Variants in SIRT3 observed in about 807,000 individuals in gnomAD.
The protein encoded by SIRT3 is sirtuin 3.
In SIRT3, 26 loss-of-function variants were observed where a neutral mutation model predicts 33.5. That is an observed-to-expected ratio of 0.78 (90% CI 0.57 to 1.08). SIRT3 has a LOEUF of 1.08. Among genes scored for constraint, SIRT3 ranks in the 50% least tolerant of loss-of-function variants. The pLI, the probability that SIRT3 is intolerant of heterozygous loss-of-function variation, is 0.00. For synonymous variants in SIRT3, 237 were observed against 222.1 expected, an observed-to-expected ratio of 1.07 and a Z score of -0.60; for missense variants, 585 against 530.1, an observed-to-expected ratio of 1.10 and a Z score of -1.02.
intron 1 of SIRT3, among the ~76,000 whole-genome samples, chr11:235,126 T>C (rs1022862888): frequency 2.0e-5 from 3 of 151,956 alleles, no homozygotes; most frequent in African/African-American, 7.3e-5. Flanking sequence ...TCCACCCGTC[T>C]CATCCTCCCA....
upstream of SIRT3, chr11:236,439 C>G: frequency 1.5e-6 from 1 of 656,720 alleles, no homozygotes; most frequent in Non-Finnish European, 1.9e-6. Flanking sequence ...CCGCCTACCG[C>G]CCCCGCCCCC....
chr11:235,480 C>A (rs1360528118), intron 1 of SIRT3, among the ~76,000 whole-genome samples: 3 of 152,244 alleles, frequency 2.0e-5, no homozygotes, highest in Non-Finnish European at 4.4e-5. Context: ...GCTGGTATTA[C>A]AAGTGTGAGC....
intron 3 of SIRT3, among the ~76,000 whole-genome samples, chr11:231,350 C>G (rs1451597733): frequency 6.6e-6 from 1 of 152,118 alleles, no homozygotes; most frequent in African/African-American, 2.4e-5. Flanking sequence ...GCAAAAGGAT[C>G]ACTTCGGCCC....
At chr11:236,833 G>C, upstream of SIRT3, 2 of 586,406 alleles carry the variant, frequency 3.4e-6, no homozygotes, top group Non-Finnish European at 6.1e-6. Context: ...GCACAGCCAA[G>C]TGCGCGGGAA....
intron 6 of SIRT3, among the ~76,000 whole-genome samples, chr11:217,693 G>C (rs1475709276): frequency 6.6e-6 from 1 of 152,232 alleles, no homozygotes; most frequent in Non-Finnish European, 1.5e-5. Flanking sequence ...CTGACCCCAT[G>C]GCCCTGAGCC....
chr11:236,896 C>G (rs1462746876), upstream of SIRT3: 9 of 671,668 alleles, frequency 1.3e-5, no homozygotes, highest in African/African-American at 1.5e-4. Context: ...CGCGCTGTAA[C>G]CGAGCAACCA....
At position 216,649 on chromosome 11, in the gene SIRT3, T is replaced by A. The variant is rs1225447283; in HGVS notation, c.*49A>T. On this transcript the variant is annotated 3_prime_UTR_variant, in exon 7 of 7. Coordinates refer to ENST00000382743, the MANE Select transcript of SIRT3 (RefSeq NM_012239.6). ...GCATGAGGTCTTGTCAGAATTGGGATGTGGATGTCTCCTATGTTACCATTT... is the reference window on the plus strand; with the variant it reads ...GCATGAGGTCTTGTCAGAATTGGGAAGTGGATGTCTCCTATGTTACCATTT... The A allele has an allele frequency of 1.2e-6, 2 of 1,608,690 alleles. No individual in the cohort carries two copies. Among genetic ancestry groups the A allele is most frequent in the South Asian group, 2.2e-5 (2 of 90,800 alleles).
chr11:234,640 C>T (rs976160311), intron 1 of SIRT3, among the ~76,000 whole-genome samples: 3 of 152,164 alleles, frequency 2.0e-5, no homozygotes, highest in African/African-American at 7.2e-5. Context: ...TGGTCTCGAT[C>T]TCCTGACCTC....
At chr11:234,530 T>G (rs1858635700) in intron 1 of SIRT3, among the ~76,000 whole-genome samples, 1 of 152,136 alleles carries the variant, frequency 6.6e-6, no homozygotes, top group South Asian at 2.1e-4. Context: ...TTCTCCTGCC[T>G]CAGCCTCCCG....
Position 236,234 on chromosome 11 carries a change from T to C in SIRT3, c.95A>G (p.Gln32Arg), listed in dbSNP as rs1178159777. The C allele has an allele frequency of 6.4e-7, 1 of 1,556,322 alleles. No homozygotes were observed. The highest frequency in any genetic ancestry group is 8.7e-7 in the Non-Finnish European group (1 of 1,154,504). ...AAGCACCAGCCGACAGCCGCAGGCC[T>C]GAAACGGCCCCACGCCTCCCCCGGC... ...VEAGGGVGPF[Q>R]ACGCRLVLGG... Residue 32 changes from glutamine to arginine, a missense_variant, in exon 1 of 7, where the codon CAG becomes CGG. By Grantham distance (43) the Gln-to-Arg change is conservative. Coordinates refer to ENST00000382743, the MANE Select transcript of SIRT3 (RefSeq NM_012239.6).
chr11:236,776 C>A (rs552000163), upstream of SIRT3: 13 of 526,750 alleles, frequency 2.5e-5, no homozygotes, highest in Non-Finnish European at 3.4e-6. Flanking sequence ...AAAGCTAGTC[C>A]GTAGCGGGTT....
rs199760829 is a variant in SIRT3, at chr11:224,274, C to G, written c.808-35G>C. 4 of 1,591,738 alleles carry G rather than the reference C, an allele frequency of 2.5e-6. No individual in the cohort carries two copies. In the African/African-American group the frequency reaches 4.1e-5, roughly 16 times the overall value. The stretch of plus-strand genomic sequence containing the variant: ...AGAGAAAACAGGCCTGAGGAAGATG[C>G]CTGCAACACCCTGTAAAAGGAAAAG... On this transcript the variant is annotated intron_variant, in intron 4 of 6. Coordinates refer to ENST00000382743, the MANE Select transcript of SIRT3 (RefSeq NM_012239.6).
chr11:231,568 T>G (rs1225521766), intron 3 of SIRT3, among the ~76,000 whole-genome samples: 1 of 152,188 alleles, frequency 6.6e-6, no homozygotes, highest in African/African-American at 2.4e-5. Context: ...CTTATGAAAG[T>G]TGTGTTAGTA....
At position 234,503 on chromosome 11, in the gene SIRT3, C is replaced by G. The variant is rs371281304; in HGVS notation, c.282-969G>C. 1.1e-3 allele frequency among the ~76,000 whole-genome samples: 167 copies of G among 152,286 alleles called. 3 individuals carry two copies. In the East Asian group the frequency reaches 0.031, roughly 28 times the overall value. On this transcript the variant is annotated intron_variant, in intron 1 of 6. Coordinates refer to ENST00000382743, the MANE Select transcript of SIRT3 (RefSeq NM_012239.6). ...GATCTCGGCTCACTGCAAGCTCCGC[C>G]TCCCAGGTTCACGCCATTCTCCTGC...
Position 223,786 on chromosome 11 carries a change from G to A in SIRT3, c.969+292C>T, listed in dbSNP as rs749174328. The stretch of plus-strand genomic sequence containing the variant: ...CCCAAAGTGGCACCAGCCCTGGAAG[G>A]GCCCATGAGATGACTCCTGTACCCC... On this transcript the variant is annotated intron_variant, in intron 5 of 6. Coordinates refer to ENST00000382743, the MANE Select transcript of SIRT3 (RefSeq NM_012239.6). The surrounding 1 kb of genome is among the most constrained non-coding windows in gnomAD (Gnocchi z 4.8). 1 of 1,101,802 alleles carries A rather than the reference G, an allele frequency of 9.1e-7. No homozygotes were observed. The highest frequency in any genetic ancestry group is 1.7e-5 in the Admixed American group (1 of 58,474). 68.3% of individuals were successfully genotyped at this position (1,101,802 alleles called of 1,614,324 possible).
chr11:236,226 C>G lies in SIRT3; in HGVS notation c.103G>C (p.Gly35Arg). 1.9e-6 allele frequency: 3 copies of G among 1,558,484 alleles called. No homozygotes were observed. The highest frequency in any genetic ancestry group is 1.7e-6 in the Non-Finnish European group (2 of 1,155,476). Residue 35 changes from glycine to arginine, a missense_variant, in exon 1 of 7, where the codon GGC (glycine) becomes CGC (arginine). Gly to Arg is a moderately radical substitution (Grantham distance 125). Transcript: ENST00000382743. ...CTGCCGCCAAGCACCAGCCGACAGC[C>G]GCAGGCCTGAAACGGCCCCACGCCT... Reference protein sequence around the residue: ...GGGVGPFQACGCRLVLGGRDD... With the variant: ...GGGVGPFQACRCRLVLGGRDD...
rs1369640100 is a variant in SIRT3 at position 223,715 on chromosome 11, G to T, written c.969+363C>A. The T allele has an allele frequency of 1.3e-6, 1 of 766,208 alleles. No homozygotes were observed. The highest frequency in any genetic ancestry group is 1.4e-5 in the South Asian group (1 of 70,220). The allele number at this position is 766,208 out of a possible 1,614,324, so 47.5% of individuals were successfully genotyped here. ...TCCCACCTTCCTGTCTCCTGCACAG[G>T]CTGCTGCTCCCTCAGCCTGGAACCC... is the stretch of plus-strand genomic sequence containing the variant. On this transcript the variant is annotated intron_variant, in intron 5 of 6. Coordinates refer to ENST00000382743, the MANE Select transcript of SIRT3 (RefSeq NM_012239.6). The surrounding 1 kb of genome is among the most constrained non-coding windows in gnomAD (Gnocchi z 4.8).
chr11:229,022 C>T (rs34366694), intron 4 of SIRT3, among the ~76,000 whole-genome samples: 1 of 152,216 alleles, frequency 6.6e-6, no homozygotes, highest in African/African-American at 2.4e-5. Flanking sequence ...TGGGTTACCA[C>T]CTCCCACCCA....
chr11:217,487 T>A (rs1184450300), intron 6 of SIRT3, among the ~76,000 whole-genome samples: 1 of 152,186 alleles, frequency 6.6e-6, no homozygotes, highest in African/African-American at 2.4e-5. Flanking sequence ...AGGAAAAGGA[T>A]CCCTCAAAAA....
Sources: allele counts gnomAD v4.1 joint callset (sites outside exome capture counted in the v4.1 genomes callset), GRCh38; gene constraint gnomAD v4.1.1; non-coding constraint Gnocchi (gnomAD v3.1); transcripts MANE v1.5; gene names NCBI Gene and HGNC (gene_info 2026-07-23, HGNC 2026-07-21).